The following CCDC148 variants were observed in gnomAD, a reference collection of about 807,000 sequenced individuals.
CCDC148 encodes coiled-coil domain-containing protein 148.
CCDC148 carries 89 observed loss-of-function variants against 85.7 expected under a neutral mutation model. The observed-to-expected ratio is 1.04, with a 90% CI of 0.87 to 1.24. The LOEUF is 1.24. CCDC148 is among the 50% of genes most tolerant of loss of function. CCDC148 has a pLI of 0.00. For synonymous variants in CCDC148, 230 were observed against 213.9 expected (o/e 1.08, Z -0.66); for missense variants, 692 against 671.7 (o/e 1.03, Z -0.33).
At chr2:158,437,210 T>C (rs1331024731) in intron 1 of CCDC148, among the ~76,000 whole-genome samples, 4 of 152,164 alleles carry the variant, frequency 2.6e-5, no homozygotes, top group Admixed American at 1.3e-4. Flanking sequence ...CTGATGAACA[T>C]TGATGCAAAA....
At chr2:158,431,443 A>G (rs1490833966) in intron 1 of CCDC148, among the ~76,000 whole-genome samples, 1 of 151,972 alleles carries the variant, frequency 6.6e-6, no homozygotes, top group East Asian at 1.9e-4. Context: ...ACAAGTCAAA[A>G]AAAATGACAG....
chr2:158,191,604 A>AT (rs1378703824), intron 11 of CCDC148, among the ~76,000 whole-genome samples: 1 of 151,996 alleles, frequency 6.6e-6, no homozygotes, highest in Non-Finnish European at 1.5e-5. Flanking sequence ...AAAACAAATG[A>AT]TAAAATATAT....
rs777916860 is a variant in CCDC148 at position 158,313,902 on chromosome 2, C to T, written c.765-8G>A. Reference sequence around the variant, plus strand: ...TCACTTAGTTGACAGTTTCTAGAAGCAACAAAAATGTCACAACATATTATT... The same window carrying T: ...TCACTTAGTTGACAGTTTCTAGAAGTAACAAAAATGTCACAACATATTATT... On this transcript the variant is annotated splice_polypyrimidine_tract_variant and splice_region_variant and intron_variant, in intron 7 of 13. Coordinates refer to ENST00000283233, the MANE Select transcript of CCDC148 (RefSeq NM_138803.4). 1.9e-6 allele frequency: 3 copies of T among 1,607,342 alleles called. No individual in the cohort carries two copies. Among genetic ancestry groups the T allele is most frequent in the Non-Finnish European group, 2.5e-6 (3 of 1,176,816 alleles).
chr2:158,218,825 C>T (rs1687021357), intron 11 of CCDC148, among the ~76,000 whole-genome samples: 1 of 152,208 alleles, frequency 6.6e-6, no homozygotes, highest in Non-Finnish European at 1.5e-5. Context: ...CACCTTCTAA[C>T]CACGAGCCCT....
intron 7 of CCDC148, among the ~76,000 whole-genome samples, chr2:158,331,388 C>A (rs1004433521): frequency 1.3e-5 from 2 of 152,200 alleles, no homozygotes; most frequent in African/African-American, 4.8e-5. Context: ...GTTATAATTT[C>A]TGTTCTTTTA....
At chr2:158,425,925 T>A (rs1425318873) in intron 1 of CCDC148, among the ~76,000 whole-genome samples, 3 of 152,138 alleles carry the variant, frequency 2.0e-5, no homozygotes, top group Admixed American at 6.6e-5. Flanking sequence ...AACATAATGA[T>A]TATTAGTAAC....
chr2:158,438,340 T>C (rs1282957556), intron 1 of CCDC148, among the ~76,000 whole-genome samples: 1 of 152,112 alleles, frequency 6.6e-6, no homozygotes, highest in Non-Finnish European at 1.5e-5. Context: ...AACCATCTGA[T>C]CTTTGACAAA....
intron 10 of CCDC148, among the ~76,000 whole-genome samples, chr2:158,236,643 C>T (rs1246341357): frequency 2.0e-5 from 3 of 152,068 alleles, no homozygotes; most frequent in African/African-American, 7.2e-5. Context: ...AATCAAAACA[C>T]CTCATTTTAC....
chr2:158,390,900 G>T (rs1685276680), intron 1 of CCDC148, among the ~76,000 whole-genome samples: 1 of 152,134 alleles, frequency 6.6e-6, no homozygotes, highest in South Asian at 2.1e-4. Context: ...GAACCACTCA[G>T]CATCTCCACA....
At chr2:158,316,400 T>C (rs376755585) in intron 7 of CCDC148, among the ~76,000 whole-genome samples, 8 of 152,194 alleles carry the variant, frequency 5.3e-5, no homozygotes, top group African/African-American at 1.7e-4. Context: ...CTTAAACATA[T>C]GAAATGATCA....
chr2:158,352,301 C>A (rs1480663116), intron 2 of CCDC148, among the ~76,000 whole-genome samples: 1 of 151,068 alleles, frequency 6.6e-6, no homozygotes, highest in East Asian at 2.0e-4. Context: ...ACATTCAAAC[C>A]AAAGGGAAAG....
chr2:158,338,858 G>A lies in CCDC148; in HGVS notation c.632C>T (p.Pro211Leu). The change falls in exon 7 of 14, where the codon CCC becomes CTC. Residue 211 changes from proline (P) to leucine (L), a missense_variant. Transcript: ENST00000283233. ...GCATTCCAAACTTTCTAATTCAATG[G>A]GCAGTTCACTAAGCGGGTTAGTCTT... Reference protein sequence around the residue: ...EEKTNPLSELPIELESLECPY... With the variant: ...EEKTNPLSELLIELESLECPY... 1 of 1,611,800 alleles carries A rather than the reference G, an allele frequency of 6.2e-7. No homozygotes were observed.
intron 11 of CCDC148, among the ~76,000 whole-genome samples, chr2:158,189,962 GA>G (rs1685341767): frequency 6.6e-6 from 1 of 151,960 alleles, no homozygotes; most frequent in Non-Finnish European, 1.5e-5. Context: ...GCATTCTATT[GA>G]ATATCCTAAG....
At position 158,333,301 on chromosome 2, in the gene CCDC148, G is replaced by C. The variant is rs188667697; in HGVS notation, c.764+5425C>G. Among the ~76,000 whole-genome samples the C allele has an allele frequency of 3.1e-4, 47 of 152,294 alleles. No homozygotes were observed. The East Asian group carries it at 8.5e-3, about 27-fold the overall frequency. On this transcript the variant is annotated intron_variant, in intron 7 of 13. Transcript: ENST00000283233. ...TTACCCAGTAGTCATTCAGGAGCAGGTTGTTCAGTTTCCATGTAGTTGTGC... is the reference window on the plus strand; with the variant it reads ...TTACCCAGTAGTCATTCAGGAGCAGCTTGTTCAGTTTCCATGTAGTTGTGC...
rs555171144 is a variant in CCDC148 at position 158,306,007 on chromosome 2, A to G, written c.1110+3426T>C. 2.6e-5 allele frequency among the ~76,000 whole-genome samples: 4 copies of G among 152,312 alleles called. No individual in the cohort carries two copies. The South Asian group carries it at 6.2e-4, about 24-fold the overall frequency. On this transcript the variant is annotated intron_variant, in intron 9 of 13. Coordinates refer to ENST00000283233, the MANE Select transcript of CCDC148 (RefSeq NM_138803.4). ...TGCTAAGTGAACAAAGCCAGACTCA[A>G]AGGCTACACACTGTTGAGTTACACT...
chr2:158,338,897 T>C lies in CCDC148; in HGVS notation c.593A>G (p.His198Arg). 3 of 1,601,926 alleles carry C rather than the reference T, an allele frequency of 1.9e-6. No homozygotes were observed. The highest frequency in any genetic ancestry group is 2.5e-6 in the Non-Finnish European group (3 of 1,176,674). The change falls in exon 7 of 14, where the codon CAT becomes CGT. Residue 198 changes from histidine (H) to arginine (R), a missense_variant. His to Arg is a conservative substitution (Grantham distance 29). Coordinates refer to ENST00000283233, the MANE Select transcript of CCDC148 (RefSeq NM_138803.4). The stretch of plus-strand genomic sequence containing the variant: ...CGGGTTAGTCTTTTCTTCCAAAGAA[T>C]GATCTAGAATCTGAAAAAAAGTATA... ...LSDWSIKILD[H>R]SLEEKTNPLS...
At chr2:158,281,106 T>A (rs1690268631) in intron 9 of CCDC148, among the ~76,000 whole-genome samples, 2 of 152,070 alleles carry the variant, frequency 1.3e-5, no homozygotes, top group African/African-American at 4.8e-5. Context: ...CATACCAGAA[T>A]CTCTGGGACA....
chr2:158,280,749 A>T (rs1690244271), intron 9 of CCDC148, among the ~76,000 whole-genome samples: 1 of 152,160 alleles, frequency 6.6e-6, no homozygotes, highest in Non-Finnish European at 1.5e-5. Flanking sequence ...ATACCCAGGA[A>T]TTGAACTCAG....
chr2:158,295,210 G>T (rs7589025), intron 9 of CCDC148, among the ~76,000 whole-genome samples: 138,329 of 151,236 alleles, frequency 0.91, 63,356 homozygotes, highest in East Asian at 0.98. Context: ...AATAACAGGA[G>T]CTGAAATTGT....
Sources: allele counts gnomAD v4.1 joint callset (sites outside exome capture counted in the v4.1 genomes callset), GRCh38; gene constraint gnomAD v4.1.1; transcripts MANE v1.5; gene names NCBI Gene and HGNC (gene_info 2026-07-23, HGNC 2026-07-21).